The following SLC24A3 variants were observed in gnomAD, a reference collection of about 807,000 sequenced individuals.
SLC24A3 encodes sodium/potassium/calcium exchanger 3.
A neutral mutation model predicts 75.8 loss-of-function variants in SLC24A3; 28 were observed. That is an observed-to-expected ratio of 0.37 (90% CI 0.27 to 0.51). The LOEUF (loss-of-function observed/expected upper bound fraction) is 0.51. Among genes scored for constraint, SLC24A3 ranks in the 20% least tolerant of loss-of-function variants. The pLI is 0.94. For synonymous variants in SLC24A3, 372 were observed against 334.1 expected (o/e 1.11, Z -1.24); for missense variants, 663 against 847.8 (o/e 0.78, Z 2.71).
chr20:19,360,825 GA>G (rs1390553162), intron 2 of SLC24A3, among the ~76,000 whole-genome samples: 5 of 125,304 alleles, frequency 4.0e-5, no homozygotes, highest in East Asian at 2.2e-4. Flanking sequence ...CTAGCATGCA[GA>G]AATTTTTTTT....
intron 6 of SLC24A3, among the ~76,000 whole-genome samples, chr20:19,593,668 A>T (rs2031412426): frequency 6.6e-6 from 1 of 152,166 alleles, no homozygotes; most frequent in Non-Finnish European, 1.5e-5. Flanking sequence ...AACACAGGCA[A>T]AGCAGGGTAA....
intron 2 of SLC24A3, among the ~76,000 whole-genome samples, chr20:19,450,505 G>T (rs1011459297): frequency 6.6e-6 from 1 of 152,132 alleles, no homozygotes; most frequent in South Asian, 2.1e-4. Flanking sequence ...CACGTGTCAT[G>T]TTCTCATCAC....
chr20:19,595,765 G>C lies in SLC24A3; in HGVS notation c.612+10221G>C, dbSNP rs186682605. ...AATGATCAGATAATAGAAGACAAAA[G>C]TTATTGATGGAAATGCATTGGGCAA... On this transcript the variant is annotated intron_variant, in intron 6 of 16. Coordinates refer to ENST00000328041, the MANE Select transcript of SLC24A3 (RefSeq NM_020689.4). Among the ~76,000 whole-genome samples, 3 of 152,290 alleles carry C rather than the reference G, an allele frequency of 2.0e-5. No individual in the cohort carries two copies. In the East Asian group the frequency reaches 5.8e-4, roughly 29 times the overall value.
chr20:19,558,148 A>G (rs1461443427), intron 3 of SLC24A3, among the ~76,000 whole-genome samples: 1 of 152,190 alleles, frequency 6.6e-6, no homozygotes, highest in Non-Finnish European at 1.5e-5. Context: ...TCTGAGTCAC[A>G]GTGTAAGAAA....
intron 3 of SLC24A3, among the ~76,000 whole-genome samples, chr20:19,550,928 T>G (rs896078115): frequency 2.0e-5 from 3 of 152,188 alleles, no homozygotes; most frequent in African/African-American, 7.2e-5. Context: ...CAGTGAAATC[T>G]GAGAGCAAAT....
At chr20:19,632,238 T>C (rs2031943035) in intron 6 of SLC24A3, among the ~76,000 whole-genome samples, 1 of 152,180 alleles carries the variant, frequency 6.6e-6, no homozygotes, top group African/African-American at 2.4e-5. Flanking sequence ...TAGCTTCCTA[T>C]CACCTCTATC....
intron 2 of SLC24A3, among the ~76,000 whole-genome samples, chr20:19,502,935 G>A (rs191919830): frequency 3.3e-5 from 5 of 151,088 alleles, no homozygotes; most frequent in Non-Finnish European, 7.4e-5. Context: ...GCTAAGGTGG[G>A]AGGATTGCTT....
intron 2 of SLC24A3, among the ~76,000 whole-genome samples, chr20:19,323,366 A>G (rs1189053868): frequency 2.0e-5 from 3 of 152,216 alleles, no homozygotes; most frequent in Admixed American, 2.0e-4. Context: ...TCCATGCCAC[A>G]TAAGCTTTTG....
At chr20:19,225,132 G>A (rs1981837985) in intron 1 of SLC24A3, among the ~76,000 whole-genome samples, 1 of 152,108 alleles carries the variant, frequency 6.6e-6, no homozygotes, top group Admixed American at 6.5e-5. Context: ...ATGATTGACC[G>A]TTTTGAAAAT....
At chr20:19,429,356 C>T (rs1030103424) in intron 2 of SLC24A3, among the ~76,000 whole-genome samples, 3 of 152,248 alleles carry the variant, frequency 2.0e-5, no homozygotes, top group Non-Finnish European at 4.4e-5. Context: ...GAGAATTACA[C>T]CTTTGGTTCA....
chr20:19,223,851 T>C (rs138664781), intron 1 of SLC24A3, among the ~76,000 whole-genome samples: 329 of 152,292 alleles, frequency 2.2e-3, no homozygotes, highest in African/African-American at 7.8e-3. Context: ...GTCGATCTGA[T>C]AACCGAGCTG....
chr20:19,663,407 C>T (rs1377600825), intron 7 of SLC24A3, among the ~76,000 whole-genome samples: 2 of 107,356 alleles, frequency 1.9e-5, no homozygotes, highest in Non-Finnish European at 1.8e-5. Context: ...CCTCCTCCTC[C>T]ACCTCCTCCT....
chr20:19,213,025 C>T lies in SLC24A3; in HGVS notation c.142+41C>T, dbSNP rs770568066. On this transcript the variant is annotated intron_variant, in intron 1 of 16. Coordinates refer to ENST00000328041, the MANE Select transcript of SLC24A3 (RefSeq NM_020689.4). ...CTGCCCCGAGTGGGCGCTGCGGCTC[C>T]GGCGGCTCGGGGCTCCCGGGGCTGG... The T allele has an allele frequency of 1.2e-5, 14 of 1,209,166 alleles. No individual in the cohort carries two copies. The Admixed American group carries it at 1.2e-4, about 11-fold the overall frequency. The allele number at this position is 1,209,166 out of a possible 1,614,324, so 74.9% of individuals were successfully genotyped here.
intron 2 of SLC24A3, among the ~76,000 whole-genome samples, chr20:19,449,418 C>G (rs577341358): frequency 1.5e-4 from 23 of 152,242 alleles, no homozygotes; most frequent in Non-Finnish European, 2.8e-4. Flanking sequence ...GCTCTGGGGC[C>G]GAAGACACAC....
chr20:19,503,146 C>T (rs1344787957), intron 2 of SLC24A3, among the ~76,000 whole-genome samples: 1 of 151,904 alleles, frequency 6.6e-6, no homozygotes, highest in African/African-American at 2.4e-5. Context: ...AGCACAGTGC[C>T]CTTCCTAAGA....
At chr20:19,422,794 A>C (rs970158706) in intron 2 of SLC24A3, among the ~76,000 whole-genome samples, 1 of 152,184 alleles carries the variant, frequency 6.6e-6, no homozygotes, top group Non-Finnish European at 1.5e-5. Context: ...ATCAGGAAGG[A>C]ATTTCTCACC....
chr20:19,494,825 T>C lies in SLC24A3; in HGVS notation c.272-20663T>C, dbSNP rs142877119. Among the ~76,000 whole-genome samples, 841 of 152,338 alleles carry C rather than the reference T, an allele frequency of 5.5e-3. 5 individuals are homozygous for C. The highest frequency in any genetic ancestry group is 0.027 in the Middle Eastern group (8 of 294). On this transcript the variant is annotated intron_variant, in intron 2 of 16. Coordinates refer to ENST00000328041, the MANE Select transcript of SLC24A3 (RefSeq NM_020689.4). The stretch of plus-strand genomic sequence containing the variant: ...TGATGCATTTTACAATTCAAAGGGA[T>C]GCCCCATTCCTTTGGAGACTTAGAA...
At chr20:19,588,237 G>A (rs180951535) in intron 6 of SLC24A3, among the ~76,000 whole-genome samples, 1 of 152,310 alleles carries the variant, frequency 6.6e-6, no homozygotes, top group African/African-American at 2.4e-5. Context: ...TTACGGCAAA[G>A]GCTGGATATT....
intron 1 of SLC24A3, among the ~76,000 whole-genome samples, chr20:19,256,786 AAAG>A (rs1450474020): frequency 2.0e-5 from 3 of 151,920 alleles, no homozygotes; most frequent in East Asian, 1.9e-4. Flanking sequence ...AAAAAAAAAA[AAAG>A]AGAATTTTAT....
Sources: gnomAD v4.1 joint callset for allele counts (sites outside exome capture counted in the v4.1 genomes callset) on GRCh38, gnomAD v4.1.1 for gene constraint, MANE v1.5 for transcripts, NCBI Gene and HGNC (gene_info 2026-07-23, HGNC 2026-07-21) for gene names.